ING5: variants seen among roughly 807,000 people sequenced by gnomAD.
ING5 encodes the protein inhibitor of growth family member 5.
Under a neutral mutation model 37.4 loss-of-function variants are expected in ING5, and 17 were observed. The observed-to-expected ratio is 0.45, with a 90% confidence interval of 0.31 to 0.68. ING5 has a LOEUF of 0.68. ING5 is among the 30% of genes least tolerant of loss of function. The pLI is 0.05. For synonymous variants in ING5, 123 were observed against 116.6 expected, an observed-to-expected ratio of 1.06 and a Z score of -0.36; for missense variants, 233 against 311.9, an observed-to-expected ratio of 0.75 and a Z score of 1.91.
At chr2:241,690,802 G>GT (rs2069539841) in intron 2 of ING5, 2 of 382,416 alleles carry the variant, frequency 5.2e-6, no homozygotes, top group Admixed American at 9.1e-5. Context: ...TTCTCTGCTT[G>GT]CTTTTTTTTT....
At chr2:241,722,011 G>A (rs942315781) in intron 5 of ING5, 2 of 985,334 alleles carry the variant, frequency 2.0e-6, no homozygotes, top group Admixed American at 6.2e-5. Flanking sequence ...CCTGTGCCAG[G>A]TGGACAGCTG....
At chr2:241,724,155 C>A (rs1006424242) in intron 7 of ING5, 3 of 862,380 alleles carry the variant, frequency 3.5e-6, no homozygotes, top group Non-Finnish European at 4.4e-6. Flanking sequence ...TTTGAAACTC[C>A]GGCAGACTCG....
At chr2:241,719,325 C>G (rs547435044) in intron 5 of ING5, among the ~76,000 whole-genome samples, 1 of 152,356 alleles carries the variant, frequency 6.6e-6, no homozygotes, top group South Asian at 2.1e-4. Flanking sequence ...GCCAGCCCAG[C>G]CCTCACTCAG....
intron 3 of ING5, among the ~76,000 whole-genome samples, chr2:241,709,826 C>T (rs1306990835): frequency 6.6e-6 from 1 of 151,962 alleles, no homozygotes; most frequent in Non-Finnish European, 1.5e-5. Context: ...ATGCTGGTCT[C>T]GAACTCCTGA....
At chr2:241,707,241 G>T (rs2069948191) in intron 2 of ING5, among the ~76,000 whole-genome samples, 1 of 151,852 alleles carries the variant, frequency 6.6e-6, no homozygotes, top group Non-Finnish European at 1.5e-5. Context: ...TTACAGGTGT[G>T]AGCCACTGTG....
intron 2 of ING5, among the ~76,000 whole-genome samples, chr2:241,693,086 C>A (rs1000361796): frequency 6.6e-6 from 1 of 151,864 alleles, no homozygotes; most frequent in African/African-American, 2.4e-5. Flanking sequence ...TGGTGAAACC[C>A]CGTCTCTACT....
intron 2 of ING5, among the ~76,000 whole-genome samples, chr2:241,692,964 C>G (rs1227467762): frequency 6.6e-6 from 1 of 152,044 alleles, no homozygotes; most frequent in Non-Finnish European, 1.5e-5. Flanking sequence ...TTCATTTAAC[C>G]TTAATTAGCT....
chr2:241,717,053 T>C, intron 5 of ING5, among the ~76,000 whole-genome samples: 1 of 152,132 alleles, frequency 6.6e-6, no homozygotes, highest in East Asian at 1.9e-4. Flanking sequence ...TTACCTCATA[T>C]AGTTGCCATT....
rs890279984 is a variant in ING5, at chr2:241,725,058, A to G, written c.*27A>G. 6 of 1,611,968 alleles carry G rather than the reference A, an allele frequency of 3.7e-6. No homozygotes were observed. The highest frequency in any genetic ancestry group is 5.1e-6 in the Non-Finnish European group (6 of 1,177,992). The stretch of plus-strand genomic sequence containing the variant: ...AGGAGCTGTGTGCCCGGATCCGAGG[A>G]GCAAGTTAATCTGTCCCTTCATTCG... On this transcript the variant is annotated 3_prime_UTR_variant, in exon 8 of 8. Coordinates refer to ENST00000313552, the MANE Select transcript of ING5 (RefSeq NM_032329.6).
At chr2:241,723,347 G>C in intron 7 of ING5, 76 bp downstream of exon 7, 2 of 1,436,250 alleles carry the variant, frequency 1.4e-6, no homozygotes, top group Non-Finnish European at 2.0e-6. Context: ...AGGAGAAGGT[G>C]CTCCATGGCA....
intron 5 of ING5, among the ~76,000 whole-genome samples, chr2:241,713,739 A>G (rs1221954983): frequency 6.6e-6 from 1 of 151,080 alleles, no homozygotes; most frequent in Non-Finnish European, 1.5e-5. Context: ...CTGTAATCGC[A>G]GCACTTTGGG....
chr2:241,707,763 G>T (rs111943083), intron 2 of ING5, among the ~76,000 whole-genome samples: 6,510 of 152,262 alleles, frequency 0.043, 469 homozygotes, highest in East Asian at 0.3. Flanking sequence ...CCTCTCTGTT[G>T]TCTGCTACCG....
chr2:241,723,697 C>A, intron 7 of ING5: 4 of 1,494,266 alleles, frequency 2.7e-6, no homozygotes, highest in Non-Finnish European at 3.7e-6. Flanking sequence ...TGGGGCTCTG[C>A]CCCTGGCTCT....
chr2:241,702,323 A>G (rs1328865815), intron 1 of ING5, among the ~76,000 whole-genome samples: 3 of 149,566 alleles, frequency 2.0e-5, no homozygotes, highest in East Asian at 2.0e-4. Flanking sequence ...GGTCGCGCCA[A>G]TTCCAGGTGC....
intron 5 of ING5, among the ~76,000 whole-genome samples, chr2:241,716,493 C>T (rs185761015): frequency 6.9e-6 from 1 of 144,434 alleles, no homozygotes; most frequent in African/African-American, 2.5e-5. Context: ...CAGGTTTTCA[C>T]CATTTTGGCC....
intron 2 of ING5, among the ~76,000 whole-genome samples, chr2:241,695,052 C>A (rs1182277424): frequency 6.7e-6 from 1 of 148,976 alleles, no homozygotes; most frequent in African/African-American, 2.5e-5. Flanking sequence ...ATGTGGTATT[C>A]TTGCTCCTCC....
At chr2:241,692,725 C>G (rs1236649955) in intron 2 of ING5, among the ~76,000 whole-genome samples, 3 of 152,128 alleles carry the variant, frequency 2.0e-5, no homozygotes, top group Non-Finnish European at 4.4e-5. Flanking sequence ...CCTCCTTACC[C>G]TGGCCAGTCA....
chr2:241,728,576 A>C lies in ING5; in HGVS notation c.*3545A>C, dbSNP rs1691709672. The stretch of plus-strand genomic sequence containing the variant: ...TGCAGTGAAAACAGGAGCTGGTGAA[A>C]CCGAGCCCTCTGCATCTGCGAATGT... On this transcript the variant is annotated 3_prime_UTR_variant, in exon 8 of 8. Coordinates refer to ENST00000313552, the MANE Select transcript of ING5 (RefSeq NM_032329.6). 6.6e-6 allele frequency: 1 copy of C among 152,654 alleles called. No homozygotes were observed. Among genetic ancestry groups the C allele is most frequent in the African/African-American group, 2.4e-5 (1 of 41,432 alleles). 9.5% of individuals were successfully genotyped at this position (152,654 alleles called of 1,614,324 possible).
rs2070025881 is a variant in ING5, at chr2:241,709,227, G to GATAAGAAAGAA, written c.122_123insTAAGAAAGAAA (p.Glu41AspfsTer17). The GATAAGAAAGAA allele has an allele frequency of 6.2e-7, 1 of 1,611,640 alleles. No individual in the cohort carries two copies. Among genetic ancestry groups the GATAAGAAAGAA allele is most frequent in the Non-Finnish European group, 8.5e-7 (1 of 1,178,728 alleles). ...CATTTCTCCATCAGATAAGAAAGCAGAGATTGACATCCTGGCTGCAGAGTA... is the reference window on the plus strand; with the variant it reads ...CATTTCTCCATCAGATAAGAAAGCAGATAAGAAAGAAAGATTGACATCCTGGCTGCAGAGTA... On this transcript the variant is annotated frameshift_variant, in exon 3 of 8. Coordinates refer to ENST00000313552, the MANE Select transcript of ING5 (RefSeq NM_032329.6). LOFTEE classifies it high-confidence loss of function.
Sources: gnomAD v4.1 joint callset for allele counts (sites outside exome capture counted in the v4.1 genomes callset) on GRCh38, gnomAD v4.1.1 for gene constraint, MANE v1.5 for transcripts, NCBI Gene and HGNC (gene_info 2026-07-23, HGNC 2026-07-21) for gene names.